PPP2R1B: variants seen among roughly 807,000 people sequenced by gnomAD.
PPP2R1B encodes the protein protein phosphatase 2 scaffold subunit Abeta.
Under a neutral mutation model 72.7 loss-of-function variants are expected in PPP2R1B, and 58 were observed. That is an observed-to-expected ratio of 0.80 (90% CI 0.65 to 0.99). The LOEUF is 0.99. Ranked by LOEUF, PPP2R1B falls within the 50% of genes least tolerant of loss-of-function variation. The pLI, the probability that PPP2R1B is intolerant of heterozygous loss-of-function variation, is 0.00. For synonymous variants in PPP2R1B, 256 were observed against 264.6 expected (o/e 0.97, Z 0.32); for missense variants, 695 against 733.6 (o/e 0.95, Z 0.61).
downstream of PPP2R1B, chr11:111,721,948 C>T (rs756506108): frequency 4.5e-6 from 7 of 1,572,662 alleles, no homozygotes; most frequent in Non-Finnish European, 6.0e-6. Flanking sequence ...CAGGTGGGTC[C>T]TTCTCCTTGC....
At chr11:111,712,540 CTT>C in the PPP2R1B span, among the ~76,000 whole-genome samples, 4 of 152,188 alleles carry the variant, frequency 2.6e-5, no homozygotes, top group Non-Finnish European at 5.9e-5. Context: ...AGGCTCAACT[CTT>C]GTCAGTGTTT....
chr11:111,739,140 T>C lies in PPP2R1B; in HGVS notation c.*2456A>G. ...CAGTCTGGTTCTTTTGATTATTTGT[T>C]CCATGCACACATTGGAGGATATTTT... On this transcript the variant is annotated 3_prime_UTR_variant, in exon 15 of 15. Transcript: ENST00000527614. The C allele has an allele frequency of 2.0e-6, 2 of 985,374 alleles. No homozygotes were observed. The highest frequency in any genetic ancestry group is 2.4e-6 in the Non-Finnish European group (2 of 829,924). 61.0% of individuals were successfully genotyped at this position (985,374 alleles called of 1,614,324 possible). A position where few individuals can be genotyped will look rare whatever the true frequency, so the allele number is the denominator to read the frequency against.
intron 15 of PPP2R1B, among the ~76,000 whole-genome samples, chr11:111,732,186 G>GGAA (rs1331202092): frequency 6.6e-6 from 1 of 152,212 alleles, no homozygotes; most frequent in East Asian, 1.9e-4. Context: ...TCTGTTCCTG[G>GGAA]CGAGCAGCTG....
chr11:111,742,456 T>C, intron 13 of PPP2R1B, 67 bp downstream of exon 13: 2 of 1,508,976 alleles, frequency 1.3e-6, no homozygotes, highest in Non-Finnish European at 1.8e-6. Flanking sequence ...TTTTAGCTAA[T>C]TACTCCCCAC....
Position 111,740,112 on chromosome 11 carries a change from AG to A in PPP2R1B, c.*1483del. 1.0e-6 allele frequency: 1 copy of A among 985,448 alleles called. No homozygotes were observed. Among genetic ancestry groups the A allele is most frequent in the Non-Finnish European group, 1.2e-6 (1 of 829,904 alleles). The allele number at this position is 985,448 out of a possible 1,614,324, so 61.0% of individuals were successfully genotyped here. ...CAAAATCAACAATTCAAAAACCAAA[AG>A]GGTAACAAGCAAACCTCATAGCAAG... is the stretch of plus-strand genomic sequence containing the variant. On this transcript the variant is annotated 3_prime_UTR_variant, in exon 15 of 15. Coordinates refer to ENST00000527614, the MANE Select transcript of PPP2R1B (RefSeq NM_002716.5).
intron 3 of PPP2R1B, among the ~76,000 whole-genome samples, chr11:111,762,017 T>C (rs762812843): frequency 1.3e-5 from 2 of 151,536 alleles, no homozygotes; most frequent in Non-Finnish European, 2.9e-5. Flanking sequence ...GCTTTAGAAA[T>C]AAAAGAAGCC....
At chr11:111,745,583 T>G (rs1219367369) in intron 11 of PPP2R1B, among the ~76,000 whole-genome samples, 4 of 152,218 alleles carry the variant, frequency 2.6e-5, no homozygotes, top group Non-Finnish European at 5.9e-5. Flanking sequence ...TTCTTTTGTC[T>G]ATTTCTGTCT....
At chr11:111,759,696 T>C in intron 5 of PPP2R1B, 108 bp downstream of exon 5, 2 of 1,268,936 alleles carry the variant, frequency 1.6e-6, no homozygotes, top group Non-Finnish European at 2.1e-6. Context: ...TCAGCACTAA[T>C]TCTGTAAAAA....
the PPP2R1B span, among the ~76,000 whole-genome samples, chr11:111,716,770 C>T: frequency 1.3e-5 from 2 of 151,890 alleles, no homozygotes; most frequent in Admixed American, 6.6e-5. Context: ...GGGGTACTGC[C>T]GGGTATTTTG....
In PPP2R1B at chr11:111,763,910, C is replaced by T. The variant is rs963392121; in HGVS notation, c.306+895G>A. On this transcript the variant is annotated intron_variant, in intron 3 of 14. Transcript: ENST00000527614. ...TACTTATCTATTAATCAATCTACCTCAGGAGTTCCATGGAAAAGTCAGAAC... is the reference window on the plus strand; with the variant it reads ...TACTTATCTATTAATCAATCTACCTTAGGAGTTCCATGGAAAAGTCAGAAC... 2.6e-5 allele frequency among the ~76,000 whole-genome samples: 4 copies of T among 152,146 alleles called. No homozygotes were observed. The East Asian group carries it at 7.7e-4, about 29-fold the overall frequency.
intron 3 of PPP2R1B, among the ~76,000 whole-genome samples, chr11:111,764,085 G>C: frequency 6.6e-6 from 1 of 152,102 alleles, no homozygotes. Flanking sequence ...TGATCACCCG[G>C]AGTGAATCCC....
chr11:111,733,264 AAG>A (rs1470501915), downstream of PPP2R1B, among the ~76,000 whole-genome samples: 1 of 152,098 alleles, frequency 6.6e-6, no homozygotes, highest in Non-Finnish European at 1.5e-5. Context: ...GAAATTGGCA[AAG>A]AGAGATTCCA....
Position 111,738,386 on chromosome 11 carries a change from C to G in PPP2R1B, c.*3210G>C, listed in dbSNP as rs1944403852. The G allele has an allele frequency of 1.0e-6, 1 of 985,400 alleles. No individual in the cohort carries two copies. The highest frequency in any genetic ancestry group is 1.1e-4 in the East Asian group (1 of 8,832). 61.0% of individuals were successfully genotyped at this position (985,400 alleles called of 1,614,324 possible). On this transcript the variant is annotated 3_prime_UTR_variant, in exon 15 of 15. Coordinates refer to ENST00000527614, the MANE Select transcript of PPP2R1B (RefSeq NM_002716.5). ...CCCTGCCATCGCCACAGGGACAGAG[C>G]CAATGTGACGTCTAAGGGCAAGCCC...
chr11:111,721,756 G>A, the PPP2R1B span: 1 of 1,160,370 alleles, frequency 8.6e-7, no homozygotes, highest in Non-Finnish European at 1.2e-6. Flanking sequence ...ACATTGCAAA[G>A]GTGCTTCAGC....
intron 15 of PPP2R1B, chr11:111,728,953 C>T (rs1312643780): frequency 1.3e-5 from 2 of 152,152 alleles, no homozygotes; most frequent in Non-Finnish European, 2.9e-5. Flanking sequence ...AGAGCAGTAT[C>T]ATCTGCCTCT....
chr11:111,698,747 G>T, the PPP2R1B span, among the ~76,000 whole-genome samples: 13 of 152,188 alleles, frequency 8.5e-5, no homozygotes, highest in African/African-American at 2.9e-4. Context: ...AACCTTACCA[G>T]TGCTATTTGG....
At chr11:111,760,689 T>C in intron 4 of PPP2R1B, 130 bp downstream of exon 4, 1 of 762,582 alleles carries the variant, frequency 1.3e-6, no homozygotes, top group Non-Finnish European at 2.2e-6. Flanking sequence ...CCTACTATCC[T>C]AGTATCAGCC....
chr11:111,764,621 A>G (rs1322375705), intron 3 of PPP2R1B, among the ~76,000 whole-genome samples, 184 bp downstream of exon 3: 4 of 146,190 alleles, frequency 2.7e-5, no homozygotes, highest in African/African-American at 1.0e-4. Flanking sequence ...TTATTTACAG[A>G]AAAAAAAAAA....
At chr11:111,750,424 G>A (rs1249747328) in intron 10 of PPP2R1B, among the ~76,000 whole-genome samples, 1 of 152,154 alleles carries the variant, frequency 6.6e-6, no homozygotes, top group African/African-American at 2.4e-5. Flanking sequence ...GAGGCAGGAG[G>A]ATCATTTGAG....
Sources: allele counts gnomAD v4.1 joint callset (sites outside exome capture counted in the v4.1 genomes callset), GRCh38; gene constraint gnomAD v4.1.1; transcripts MANE v1.5; gene names NCBI Gene and HGNC (gene_info 2026-07-23, HGNC 2026-07-21).